NDP: variants seen among roughly 807,000 people sequenced by gnomAD.
NDP encodes the protein norrin cystine knot growth factor NDP.
Under a neutral mutation model 8.4 loss-of-function variants are expected in NDP, and 2 were observed. The observed-to-expected ratio is 0.24, with a 90% confidence interval of 0.10 to 0.75. NDP has a LOEUF of 0.75. NDP is among the 30% of genes least tolerant of loss of function. The probability of loss-of-function intolerance (pLI) is 0.73; values close to 1 mark genes in which losing one functional copy is unlikely to be tolerated. For synonymous variants in NDP, 55 were observed against 45.6 expected (o/e 1.21, Z -0.83); for missense variants, 81 against 110.1 (o/e 0.74, Z 1.18).
At position 43,949,538 on chromosome X, in the gene NDP, G is replaced by C. The variant is rs997377300; in HGVS notation, c.*261C>G. The C allele has an allele frequency of 5.1e-6, 2 of 391,198 alleles. No individual in the cohort carries two copies. The highest frequency in any genetic ancestry group is 4.5e-6 in the Non-Finnish European group (1 of 222,496). The allele number at this position is 391,198 out of a possible 1,213,427, so 32.2% of individuals were successfully genotyped here. A position where few individuals can be genotyped will look rare whatever the true frequency, so the allele number is the denominator to read the frequency against. ...TTGTTGGAAACCCAAACAGCATTGA[G>C]AGCCAAGGGGGAAAATGCCTGAATC... On this transcript the variant is annotated 3_prime_UTR_variant, in exon 3 of 3. Transcript: ENST00000642620.
intron 1 of NDP, among the ~76,000 whole-genome samples, chrX:43,970,703 G>A (rs960331670): frequency 3.6e-5 from 4 of 111,319 alleles, no homozygotes; most frequent in Non-Finnish European, 5.7e-5. Flanking sequence ...GGTGGGACAA[G>A]TAAGTGGTGA....
chrX:43,958,767 T>C lies in NDP; in HGVS notation c.-122A>G. The C allele has an allele frequency of 1.6e-6, 1 of 607,985 alleles. No homozygotes were observed. The highest frequency in any genetic ancestry group is 2.6e-5 in the Admixed American group (1 of 37,917). The allele number at this position is 607,985 out of a possible 1,213,427, so 50.1% of individuals were successfully genotyped here. On this transcript the variant is annotated 5_prime_UTR_variant, in exon 2 of 3. Coordinates refer to ENST00000642620, the MANE Select transcript of NDP (RefSeq NM_000266.4). ...GGAAAGGGCAGGATCGGGCTGAAGC[T>C]TTCTGGTTGTCATTGTCCTTTATGT...
chrX:43,964,593 T>C (rs1385584350), intron 1 of NDP, among the ~76,000 whole-genome samples: 4 of 111,221 alleles, frequency 3.6e-5, no homozygotes, highest in Non-Finnish European at 5.7e-5. Flanking sequence ...AGCTTTCATC[T>C]TTTCCTCCCT....
At chrX:43,959,198 C>G (rs1186287657) in intron 1 of NDP, among the ~76,000 whole-genome samples, 1 of 111,386 alleles carries the variant, frequency 9.0e-6, no homozygotes, top group Non-Finnish European at 1.9e-5. Flanking sequence ...CATCTTTGTC[C>G]TTGGTTGGTC....
intron 1 of NDP, among the ~76,000 whole-genome samples, chrX:43,964,081 G>T (rs1205810940): frequency 1.8e-5 from 2 of 111,575 alleles, no homozygotes; most frequent in South Asian, 7.6e-4. Context: ...AGGGGTGGTG[G>T]GGGGGTGAGG....
chrX:43,959,426 C>T (rs758492800), intron 1 of NDP, among the ~76,000 whole-genome samples: 9 of 112,016 alleles, frequency 8.0e-5, no homozygotes, highest in Non-Finnish European at 1.3e-4. Flanking sequence ...GCACCCAGCA[C>T]TGATGACAAA....
chrX:43,967,721 A>T (rs2035866341), intron 1 of NDP, among the ~76,000 whole-genome samples: 1 of 111,665 alleles, frequency 9.0e-6, no homozygotes, highest in East Asian at 2.8e-4. Flanking sequence ...AGGATGGAAG[A>T]GGACTCCACG....
At chrX:43,957,028 C>G (rs767981643) in intron 2 of NDP, among the ~76,000 whole-genome samples, 2 of 112,079 alleles carry the variant, frequency 1.8e-5, no homozygotes, top group Non-Finnish European at 3.8e-5. Flanking sequence ...TTTCTATCAT[C>G]ATAGTGACAC....
chrX:43,957,019 T>C (rs2035797525), intron 2 of NDP, among the ~76,000 whole-genome samples: 1 of 112,354 alleles, frequency 8.9e-6, no homozygotes, highest in Admixed American at 9.4e-5. Context: ...CTTTGTTCCT[T>C]TCTATCATCA....
At chrX:43,960,024 A>G (rs5952976) in intron 1 of NDP, among the ~76,000 whole-genome samples, 32,740 of 111,171 alleles carry the variant, frequency 0.29, 3,748 homozygotes, top group African/African-American at 0.38. Context: ...ATAGAATGGC[A>G]TCAGACCCAT....
intron 1 of NDP, among the ~76,000 whole-genome samples, chrX:43,971,584 A>T (rs2035891303): frequency 9.0e-6 from 1 of 111,708 alleles, no homozygotes. Context: ...AAAATAAATG[A>T]TGCAAAACAT....
chrX:43,957,646 T>C (rs1430952471), intron 2 of NDP, among the ~76,000 whole-genome samples: 1 of 109,967 alleles, frequency 9.1e-6, no homozygotes, highest in Admixed American at 9.9e-5. Flanking sequence ...ATTTCAAAAA[T>C]TACTTGCCAT....
chrX:43,952,549 G>A (rs2035768964), intron 2 of NDP, among the ~76,000 whole-genome samples: 1 of 111,872 alleles, frequency 8.9e-6, no homozygotes, highest in Non-Finnish European at 1.9e-5. Flanking sequence ...CTAACTGACT[G>A]GGCCATTAGC....
chrX:43,965,797 AGTCTTGGG>A (rs1465341266), intron 1 of NDP, among the ~76,000 whole-genome samples: 1 of 112,020 alleles, frequency 8.9e-6, no homozygotes, highest in Non-Finnish European at 1.9e-5. Context: ...TAGAATCAGT[AGTCTTGGG>A]GTCAAGAGCG....
chrX:43,968,134 A>C (rs2035869412), intron 1 of NDP, among the ~76,000 whole-genome samples: 1 of 111,239 alleles, frequency 9.0e-6, no homozygotes, highest in African/African-American at 3.3e-5. Context: ...GAATTTTCTG[A>C]GTCAGCACTC....
At chrX:43,951,168 C>G (rs1466052336) in intron 2 of NDP, among the ~76,000 whole-genome samples, 1 of 110,943 alleles carries the variant, frequency 9.0e-6, no homozygotes, top group Non-Finnish European at 1.9e-5. Flanking sequence ...AATCCCAACA[C>G]TTTGGAGTCT....
chrX:43,969,532 G>A (rs1012426292), intron 1 of NDP: 2 of 112,776 alleles, frequency 1.8e-5, no homozygotes, highest in African/African-American at 6.4e-5. Context: ...GGGTCACTGT[G>A]ATGGTATGCT....
chrX:43,951,566 C>T (rs766848981), intron 2 of NDP, among the ~76,000 whole-genome samples: 3 of 111,976 alleles, frequency 2.7e-5, no homozygotes, highest in South Asian at 3.7e-4. Context: ...TGTAGGAATT[C>T]GCAGTTATTA....
intron 2 of NDP, among the ~76,000 whole-genome samples, chrX:43,956,737 T>C (rs961786077): frequency 8.9e-6 from 1 of 112,145 alleles, no homozygotes; most frequent in African/African-American, 3.2e-5. Context: ...AAACAGATTG[T>C]TCCCATGAAA....
Sources: allele counts gnomAD v4.1 joint callset (sites outside exome capture counted in the v4.1 genomes callset), GRCh38; gene constraint gnomAD v4.1.1; transcripts MANE v1.5; gene names NCBI Gene and HGNC (gene_info 2026-07-23, HGNC 2026-07-21).